Variants in BIRC6 observed in about 807,000 individuals in gnomAD.
BIRC6 encodes the protein baculoviral IAP repeat containing 6.
A neutral mutation model predicts 503.3 loss-of-function variants in BIRC6; 98 were observed. The observed-to-expected ratio is 0.19, with a 90% CI of 0.17 to 0.23. BIRC6 has a LOEUF of 0.23. Among genes scored for constraint, BIRC6 ranks in the 10% least tolerant of loss-of-function variants. BIRC6 has a pLI of 1.00. For synonymous variants in BIRC6, 2,240 were observed against 2,078.7 expected (o/e 1.08, Z -2.11); for missense variants, 5,360 against 5,806.0 (o/e 0.92, Z 2.50).
In BIRC6 at chr2:32,599,898, A is replaced by G; in HGVS notation, c.13990A>G (p.Lys4664Glu). Residue 4664 changes from lysine (K) to glutamate (E), a missense_variant and splice_region_variant, in exon 70 of 74, where the codon AAG becomes GAG. Transcript: ENST00000421745. ...CAATCCAAACCTTTATAATGATGGC[A>G]AGGTAAATTAATTGCAATTTTTTGT... ...RFNPNLYNDG[K>E]VCLSILNTWH... 6.2e-7 allele frequency: 1 copy of G among 1,610,772 alleles called. No individual in the cohort carries two copies. Among genetic ancestry groups the G allele is most frequent in the Non-Finnish European group, 8.5e-7 (1 of 1,178,614 alleles).
Position 32,525,472 on chromosome 2 carries a change from T to C in BIRC6, c.11764T>C (p.Ser3922Pro). Residue 3922 changes from serine (S) to proline (P), a missense_variant, in exon 59 of 74, where the codon TCT (serine) becomes CCT (proline). By Grantham distance (74) the Ser-to-Pro change is moderately conservative. Coordinates refer to ENST00000421745, the MANE Select transcript of BIRC6 (RefSeq NM_016252.4). ...TGATCCTTTTCTTTTAGGGCTGAAG[T>C]CTCAATCTAAACGTGCTGTGTCAGC... ...YSVVVASGLK[S>P]QSKRAVSATP... 1 of 1,613,940 alleles carries C rather than the reference T, an allele frequency of 6.2e-7. No homozygotes were observed. Among genetic ancestry groups the C allele is most frequent in the Middle Eastern group, 1.6e-4 (1 of 6,062 alleles).
chr2:32,550,860 T>C (rs1322931685), intron 65 of BIRC6, among the ~76,000 whole-genome samples: 1 of 152,156 alleles, frequency 6.6e-6, no homozygotes, highest in African/African-American at 2.4e-5. Flanking sequence ...ATGTATGGAA[T>C]TGCAGAGACT....
chr2:32,411,690 C>G (rs1291397015), intron 9 of BIRC6, among the ~76,000 whole-genome samples: 1 of 151,868 alleles, frequency 6.6e-6, no homozygotes, highest in Admixed American at 6.6e-5. Context: ...GTTGGAGAGG[C>G]TGTTCTCAAA....
chr2:32,529,110 C>T (rs1277010284), intron 59 of BIRC6: 1 of 152,204 alleles, frequency 6.6e-6, no homozygotes, highest in Non-Finnish European at 1.5e-5. Context: ...ATTGTTGATT[C>T]ATGGTGGAGG....
At chr2:32,383,798 C>T (rs1026255498) in intron 3 of BIRC6, among the ~76,000 whole-genome samples, 21 of 152,162 alleles carry the variant, frequency 1.4e-4, no homozygotes, top group African/African-American at 5.1e-4. Context: ...TCCCAAAGTG[C>T]TGGGATTACA....
chr2:32,453,778 C>A lies in BIRC6; in HGVS notation c.4619-30C>A, dbSNP rs1469105257. On this transcript the variant is annotated intron_variant, in intron 22 of 73. Transcript: ENST00000421745. ...TATTGCTTTTTAAAAATTATCTTCA[C>A]GTGTTATAAAACTTGTCTTTTGCCA... 3 of 1,603,258 alleles carry A rather than the reference C, an allele frequency of 1.9e-6. No homozygotes were observed. In the South Asian group the frequency reaches 3.4e-5, roughly 18 times the overall value.
At chr2:32,532,392 A>G (rs1211938472) in intron 61 of BIRC6, 1 of 401,966 alleles carries the variant, frequency 2.5e-6, no homozygotes, top group African/African-American at 2.2e-5. Context: ...GGTTGCCAGT[A>G]GTTCTTGCTG....
chr2:32,406,169 A>G (rs572800330), intron 8 of BIRC6, among the ~76,000 whole-genome samples: 1 of 152,278 alleles, frequency 6.6e-6, no homozygotes, highest in South Asian at 2.1e-4. Flanking sequence ...AGGTGGGAAG[A>G]TTGCTTAAGC....
chr2:32,407,121 G>A (rs776326533), intron 9 of BIRC6, among the ~76,000 whole-genome samples: 1 of 152,022 alleles, frequency 6.6e-6, no homozygotes, highest in Non-Finnish European at 1.5e-5. Context: ...CTGATATATA[G>A]CATGGTGGTA....
intron 53 of BIRC6, 33 bp downstream of exon 53, chr2:32,510,667 C>G: frequency 7.6e-7 from 1 of 1,321,740 alleles, no homozygotes; most frequent in Non-Finnish European, 1.1e-6. Flanking sequence ...ATTAAGCACA[C>G]ACATGCACAT....
intron 23 of BIRC6, among the ~76,000 whole-genome samples, chr2:32,457,566 T>G (rs2047388785): frequency 6.6e-6 from 1 of 152,154 alleles, no homozygotes; most frequent in African/African-American, 2.4e-5. Context: ...TTAATGCTCA[T>G]AATCCAGATT....
chr2:32,407,670 T>C (rs968797092), intron 9 of BIRC6, among the ~76,000 whole-genome samples: 1 of 152,052 alleles, frequency 6.6e-6, no homozygotes, highest in African/African-American at 2.4e-5. Context: ...TGGTAGTAAA[T>C]ATTCTTTAAA....
intron 10 of BIRC6, among the ~76,000 whole-genome samples, chr2:32,416,994 C>T (rs543609026): frequency 3.3e-5 from 5 of 152,062 alleles, no homozygotes; most frequent in African/African-American, 7.2e-5. Flanking sequence ...TGGCACCATG[C>T]CCGGCTAATT....
intron 73 of BIRC6, among the ~76,000 whole-genome samples, chr2:32,614,723 T>G (rs2151788352): frequency 6.6e-6 from 1 of 152,248 alleles, no homozygotes; most frequent in Admixed American, 6.5e-5. Flanking sequence ...TCCCAGCTGC[T>G]GGGGAGGCTG....
rs569539646 is a variant in BIRC6, at chr2:32,374,761, C to T, written c.326-2827C>T. Among the ~76,000 whole-genome samples, 56 of 152,140 alleles carry T rather than the reference C, an allele frequency of 3.7e-4. 1 individual carries two copies. The highest frequency in any genetic ancestry group is 1.3e-3 in the African/African-American group (52 of 41,512). On this transcript the variant is annotated intron_variant, in intron 1 of 73. Transcript: ENST00000421745. ...TGCTGGGATTACAGGCGTGAGCCAC[C>T]GCGCCCGGCAATTTTTTTAATTTTT...
chr2:32,547,886 G>A lies in BIRC6; in HGVS notation c.12847G>A (p.Glu4283Lys), dbSNP rs773936727. 16 of 1,609,326 alleles carry A rather than the reference G, an allele frequency of 9.9e-6. No homozygotes were observed. Among genetic ancestry groups the A allele is most frequent in the Non-Finnish European group, 1.4e-5 (16 of 1,178,430 alleles). ...VSSSHNPTST[E>K]EQQLYWAKGT... ...AAGCTCTCATAACCCTACATCAACA[G>A]AAGAACAACAGTTATATTGGGCCAA... The change falls in exon 64 of 74, where the codon GAA (glutamate) becomes AAA (lysine). Residue 4283 changes from glutamate (E) to lysine (K), a missense_variant. This residue lies in a region of BIRC6 where 477 missense variants were observed against 574.4 expected (regional missense o/e 0.83). Coordinates refer to ENST00000421745, the MANE Select transcript of BIRC6 (RefSeq NM_016252.4).
intron 66 of BIRC6, among the ~76,000 whole-genome samples, chr2:32,587,730 A>C (rs1294902832): frequency 6.6e-6 from 1 of 152,226 alleles, no homozygotes; most frequent in Non-Finnish European, 1.5e-5. Context: ...TCTCAGAAAA[A>C]TAAAAAGAGA....
chr2:32,452,692 T>G (rs1558766486), intron 22 of BIRC6, among the ~76,000 whole-genome samples: 2 of 152,136 alleles, frequency 1.3e-5, no homozygotes, highest in Non-Finnish European at 2.9e-5. Context: ...TCCCATAACT[T>G]AGGACTGATT....
Position 32,477,508 on chromosome 2 carries a change from A to T in BIRC6, c.6993A>T (p.Val2331=), listed in dbSNP as rs375673484. Residue 2331 remains valine, a synonymous_variant, in exon 35 of 74, where the codon GTA becomes GTT. Transcript: ENST00000421745. The part of the protein sequence containing the change: ...FTLAHERCIS[V]VQKLVLFLLS... ...TGGCCCATGAGCGTTGTATCTCAGTAGTCCAGAAACTTGTTCTGTTTCTTC... is the reference window on the plus strand; with the variant it reads ...TGGCCCATGAGCGTTGTATCTCAGTTGTCCAGAAACTTGTTCTGTTTCTTC... 2.5e-6 allele frequency: 4 copies of T among 1,614,002 alleles called. No homozygotes were observed.
Sources: allele counts gnomAD v4.1 joint callset (sites outside exome capture counted in the v4.1 genomes callset), GRCh38; gene constraint gnomAD v4.1.1; regional missense constraint gnomAD v4.1.1; transcripts MANE v1.5; gene names NCBI Gene and HGNC (gene_info 2026-07-23, HGNC 2026-07-21).